The following CCDC160 variants were observed in gnomAD, a reference collection of about 807,000 sequenced individuals.
CCDC160 encodes coiled-coil domain-containing protein 160.
For missense variants in CCDC160, 227 were observed against 215.6 expected (o/e 1.05, Z -0.33); for synonymous variants, 94 against 79.4 (o/e 1.18, Z -0.98).
intron 1 of CCDC160, among the ~76,000 whole-genome samples, chrX:134,238,518 G>A (rs1049845380): frequency 4.6e-5 from 5 of 108,544 alleles, no homozygotes; most frequent in Admixed American, 9.9e-5. Context: ...GATTACAGGC[G>A]CGTGCCACCA....
intron 1 of CCDC160, among the ~76,000 whole-genome samples, chrX:134,238,507 G>A (rs2077017678): frequency 9.3e-6 from 1 of 108,039 alleles, no homozygotes; most frequent in African/African-American, 3.4e-5. Context: ...TGAGTAGCTG[G>A]GATTACAGGC....
At chrX:134,245,845 C>G (rs976544829), downstream of CCDC160, 1 of 767,887 alleles carries the variant, frequency 1.3e-6, no homozygotes, top group African/African-American at 2.2e-5. Flanking sequence ...ATTTTCTTTG[C>G]GTATTACTTA....
intron 1 of CCDC160, among the ~76,000 whole-genome samples, chrX:134,241,546 T>C (rs954689206): frequency 5.3e-5 from 6 of 112,397 alleles, no homozygotes; most frequent in African/African-American, 3.2e-5. Context: ...TGTAGTCATA[T>C]TGTAGACACA....
Position 134,245,734 on chromosome X carries a change from ACAT to A in CCDC160, c.940_942del (p.Ser315del), listed in dbSNP as rs1434983001. Reference sequence around the variant, plus strand: ...AAAATACTATGCTTCTTCAATGGTAACATCATCAAGTATCCTTGACCACTTTAC... The same window carrying A: ...AAAATACTATGCTTCTTCAATGGTAACATCAAGTATCCTTGACCACTTTAC... On this transcript the variant is annotated inframe_deletion, in exon 2 of 2. Transcript: ENST00000370809. 3.4e-6 allele frequency: 4 copies of A among 1,177,108 alleles called. No homozygotes were observed. The highest frequency in any genetic ancestry group is 4.5e-6 in the Non-Finnish European group (4 of 881,416).
intron 1 of CCDC160, among the ~76,000 whole-genome samples, chrX:134,241,632 A>G (rs969566958): frequency 6.2e-5 from 7 of 112,150 alleles, no homozygotes; most frequent in African/African-American, 1.9e-4. Flanking sequence ...ATGACTTTGT[A>G]TTGTTTTCCT....
At chrX:134,240,666 T>A (rs991975485) in intron 1 of CCDC160, among the ~76,000 whole-genome samples, 1 of 17,844 alleles carries the variant, frequency 5.6e-5, no homozygotes, top group African/African-American at 3.2e-4. Context: ...ACCAAATTCT[T>A]TTTTTTTTTT....
chrX:134,240,863 A>T (rs1369079621), intron 1 of CCDC160, among the ~76,000 whole-genome samples: 3 of 106,435 alleles, frequency 2.8e-5, no homozygotes, highest in African/African-American at 1.0e-4. Flanking sequence ...ATTTTTGTAG[A>T]CACGCATCTC....
In CCDC160 at chrX:134,245,496, CA is replaced by C. The variant is rs1569477941; in HGVS notation, c.699del (p.Lys233AsnfsTer2). Reference sequence around the variant, plus strand: ...TCCAGCAAGCCAAAGAAGTCATCCACAAATTGAACCTAGAGAACAGAAATTT... The same window carrying C: ...TCCAGCAAGCCAAAGAAGTCATCCACAATTGAACCTAGAGAACAGAAATTT... On this transcript the variant is annotated frameshift_variant, in exon 2 of 2. Transcript: ENST00000370809. LOFTEE classifies it low-confidence loss of function (END_TRUNC). 8.4e-7 allele frequency: 1 copy of C among 1,193,103 alleles called. No individual in the cohort carries two copies. Among genetic ancestry groups the C allele is most frequent in the Admixed American group, 2.3e-5 (1 of 42,936 alleles).
intron 1 of CCDC160, among the ~76,000 whole-genome samples, chrX:134,242,485 G>C (rs1210248088): frequency 9.1e-6 from 1 of 110,242 alleles, no homozygotes; most frequent in Non-Finnish European, 1.9e-5. Context: ...AGCTATATAG[G>C]CTTCACTGAA....
At chrX:134,245,589 G>A (rs1165763165) in exon 2 of CCDC160, 7 of 1,206,685 alleles carry the variant, frequency 5.8e-6, no homozygotes, top group Middle Eastern at 4.6e-4. Context: ...AAGAAGAAAT[G>A]AAATCATATT....
chrX:134,244,892 C>G (rs201693622), exon 2 of CCDC160: 3 of 1,201,462 alleles, frequency 2.5e-6, no homozygotes, highest in Non-Finnish European at 3.4e-6. Flanking sequence ...GAGCCTGAAT[C>G]TTCTTCTGAA....
chrX:134,238,939 T>G (rs2077019082), intron 1 of CCDC160, 99 bp downstream of exon 2: 1 of 111,351 alleles, frequency 9.0e-6, no homozygotes, highest in Non-Finnish European at 1.9e-5. Flanking sequence ...TCGTCTGCAT[T>G]GTCAGTAAGC....
rs942003214 is a variant in CCDC160, at chrX:134,245,639, T to C, written c.839T>C (p.Val280Ala). 1.7e-6 allele frequency: 2 copies of C among 1,207,513 alleles called. No individual in the cohort carries two copies. The highest frequency in any genetic ancestry group is 3.5e-5 in the African/African-American group (2 of 57,134). The change falls in exon 2 of 2, where the codon GTC (valine) becomes GCC (alanine). Residue 280 changes from valine to alanine, a missense_variant. Val to Ala is a moderately conservative substitution (Grantham distance 64). Transcript: ENST00000370809. ...GCAAAGATCCGCGGAGAGCTCAGTG[T>C]CATCAAGAATGAACTGAGAACTGAG... is the stretch of plus-strand genomic sequence containing the variant.
intron 1 of CCDC160, among the ~76,000 whole-genome samples, chrX:134,242,754 A>G (rs944822494): frequency 6.3e-5 from 7 of 111,214 alleles, no homozygotes; most frequent in Non-Finnish European, 1.1e-4. Context: ...ATCTCCAGAT[A>G]TAAAGTGTCC....
At position 134,243,229 on chromosome X, in the gene CCDC160, C is replaced by T. The variant is rs187113036; in HGVS notation, c.-24-1548C>T. ...TCTGATTGACCTCAAGAAAGCTTGG[C>T]TTCTGGCTTTTGGACCAATCATTTT... On this transcript the variant is annotated intron_variant, in intron 1 of 1. Transcript: ENST00000370809. The T allele has an allele frequency of 1.0e-3, 245 of 244,878 alleles. 2 individuals are homozygous for T. The South Asian group carries it at 0.019, about 19-fold the overall frequency. The allele number at this position is 244,878 out of a possible 1,213,427, so 20.2% of individuals were successfully genotyped here.
chrX:134,244,798 GAAATGGATGCTAGAAGA>G, exon 2 of CCDC160: 2 of 1,159,542 alleles, frequency 1.7e-6, no homozygotes, highest in Non-Finnish European at 2.3e-6. Flanking sequence ...GGTGCCTGGA[GAAATGGATGCTAGAAGA>G]AAACACTGGA....
chrX:134,245,112 T>C (rs1001349022), exon 2 of CCDC160: 21 of 1,189,246 alleles, frequency 1.8e-5, no homozygotes, highest in Non-Finnish European at 2.2e-5. Context: ...CTAATGTGGA[T>C]GTTACAACAG....
exon 2 of CCDC160, chrX:134,245,219 G>A (rs2077038944): frequency 2.5e-6 from 3 of 1,195,964 alleles, no homozygotes; most frequent in Non-Finnish European, 3.4e-6. Flanking sequence ...TTTATGGAAA[G>A]AATGTCTCCA....
chrX:134,245,649 T>C (rs2077041042), exon 2 of CCDC160: 1 of 1,209,205 alleles, frequency 8.3e-7, no homozygotes, highest in East Asian at 3.0e-5. Context: ...TCATCAAGAA[T>C]GAACTGAGAA....
Sources: allele counts gnomAD v4.1 joint callset (sites outside exome capture counted in the v4.1 genomes callset), GRCh38; gene constraint gnomAD v4.1.1; transcripts MANE v1.5; gene names NCBI Gene and HGNC (gene_info 2026-07-23, HGNC 2026-07-21).